GPC3: variants seen among roughly 807,000 people sequenced by gnomAD.
GPC3 encodes the protein glypican 3.
GPC3 carries 3 observed loss-of-function variants against 34.4 expected under a neutral mutation model. That is an observed-to-expected ratio of 0.09 (90% CI 0.04 to 0.23). The LOEUF (loss-of-function observed/expected upper bound fraction) is 0.23, where lower values mean the gene tolerates loss of function less well. Among genes scored for constraint, GPC3 ranks in the 10% least tolerant of loss-of-function variants. The pLI is 1.00. For synonymous variants in GPC3, 177 were observed against 174.0 expected (o/e 1.02, Z -0.13); for missense variants, 351 against 445.6 (o/e 0.79, Z 1.91).
intron 6 of GPC3, 82 bp downstream of exon 6, chrX:133,661,641 CCCTCTCT>C (rs2070726723): frequency 2.8e-5 from 1 of 35,130 alleles, no homozygotes; most frequent in African/African-American, 1.2e-4. Context: ...TCTCCCCCCC[CCCTCTCT>C]CTCCCCCTCT....
chrX:133,750,007 G>A (rs1248555929), intron 3 of GPC3, among the ~76,000 whole-genome samples: 1 of 111,434 alleles, frequency 9.0e-6, no homozygotes, highest in Non-Finnish European at 1.9e-5. Context: ...TAGAGTTGGT[G>A]ATCATAAAAC....
chrX:133,565,971 T>G (rs1450746701), intron 7 of GPC3, among the ~76,000 whole-genome samples: 1 of 112,413 alleles, frequency 8.9e-6, no homozygotes, highest in East Asian at 2.8e-4. Context: ...CCCAACAAAG[T>G]TGCCAAGAGA....
rs145141111 is a variant in GPC3, at chrX:133,760,503, C to T, written c.338-6327G>A. 4.7e-3 allele frequency among the ~76,000 whole-genome samples: 525 copies of T among 111,577 alleles called. 3 individuals carry two copies. Among genetic ancestry groups the T allele is most frequent in the African/African-American group, 0.016 (497 of 30,798 alleles). The stretch of plus-strand genomic sequence containing the variant: ...ATGAAGGAACTCTAAATGTCTATTG[C>T]TAAGTGAAAGAAGCTAGTCTGAAAG... On this transcript the variant is annotated intron_variant, in intron 2 of 7. Transcript: ENST00000370818.
chrX:133,770,086 G>A (rs1403624169), intron 2 of GPC3, among the ~76,000 whole-genome samples: 2 of 112,165 alleles, frequency 1.8e-5, no homozygotes, highest in African/African-American at 6.5e-5. Flanking sequence ...ACCAGTCTCT[G>A]GACAACATAG....
intron 2 of GPC3, among the ~76,000 whole-genome samples, chrX:133,906,780 T>A (rs1385703641): frequency 1.8e-5 from 2 of 112,172 alleles, no homozygotes; most frequent in East Asian, 5.6e-4. Context: ...ATGATTACTT[T>A]TTTATTTTTA....
chrX:133,734,356 A>G (rs2071488876), intron 3 of GPC3, among the ~76,000 whole-genome samples: 1 of 111,647 alleles, frequency 9.0e-6, no homozygotes, highest in Admixed American at 9.6e-5. Context: ...GATAATAAAA[A>G]CAATCAAAAA....
chrX:133,909,485 C>A (rs1603270499), intron 2 of GPC3, among the ~76,000 whole-genome samples: 1 of 112,064 alleles, frequency 8.9e-6, no homozygotes, highest in East Asian at 2.8e-4. Flanking sequence ...TTACAGGGAA[C>A]TCTCACTTTC....
intron 2 of GPC3, among the ~76,000 whole-genome samples, chrX:133,840,171 G>A (rs1194859641): frequency 9.0e-6 from 1 of 111,087 alleles, no homozygotes; most frequent in African/African-American, 3.3e-5. Flanking sequence ...CTGAGCTGTT[G>A]AGAGTTTCAA....
chrX:133,755,885 T>C (rs2071722477), intron 2 of GPC3, among the ~76,000 whole-genome samples: 1 of 112,291 alleles, frequency 8.9e-6, no homozygotes, highest in African/African-American at 3.2e-5. Flanking sequence ...AGAGGACCAG[T>C]CAACAAATTC....
chrX:133,661,577 T>C (rs2070719587), intron 6 of GPC3, among the ~76,000 whole-genome samples, 153 bp downstream of exon 6: 1 of 8,269 alleles, frequency 1.2e-4, no homozygotes, highest in African/African-American at 5.5e-4. Context: ...TTTCTCTCTC[T>C]CTCTCTCTCT....
At chrX:133,840,152 G>T (rs921744042) in intron 2 of GPC3, among the ~76,000 whole-genome samples, 3 of 110,897 alleles carry the variant, frequency 2.7e-5, no homozygotes, top group African/African-American at 9.8e-5. Context: ...ATCCTTTATA[G>T]ATACTTCACT....
In GPC3 at chrX:133,909,392, T is replaced by C. The variant is rs749725932; in HGVS notation, c.337+43658A>G. On this transcript the variant is annotated intron_variant, in intron 2 of 7. Coordinates refer to ENST00000370818, the MANE Select transcript of GPC3 (RefSeq NM_004484.4). ...CATGGTTGTTCTGATTCAGCCATCA[T>C]GATGCAGCCATGATAAAAACAGACT... 1.2e-4 allele frequency among the ~76,000 whole-genome samples: 13 copies of C among 112,287 alleles called. No individual in the cohort carries two copies. In the South Asian group the frequency reaches 4.9e-3, roughly 42 times the overall value.
intron 2 of GPC3, among the ~76,000 whole-genome samples, chrX:133,897,885 G>C (rs1459745471): frequency 9.0e-6 from 1 of 111,691 alleles, no homozygotes; most frequent in Non-Finnish European, 1.9e-5. Context: ...CACAAGGACA[G>C]GTGGGTAATG....
chrX:133,768,903 G>T (rs1327092413), intron 2 of GPC3, among the ~76,000 whole-genome samples: 2 of 110,034 alleles, frequency 1.8e-5, no homozygotes, highest in African/African-American at 6.7e-5. Flanking sequence ...TTGAGCCACT[G>T]CACTCCAGCC....
chrX:133,836,302 T>A (rs1206910590), intron 2 of GPC3, among the ~76,000 whole-genome samples: 1 of 113,048 alleles, frequency 8.8e-6, no homozygotes, highest in Non-Finnish European at 1.9e-5. Context: ...TAATTTCAGA[T>A]TGTACAGCTT....
At chrX:133,927,853 G>A (rs2076282261) in intron 2 of GPC3, among the ~76,000 whole-genome samples, 1 of 106,800 alleles carries the variant, frequency 9.4e-6, no homozygotes, top group Admixed American at 1.0e-4. Context: ...ACAATGTGAT[G>A]TAATAAATAT....
At position 133,611,549 on chromosome X, in the gene GPC3, C is replaced by A. The variant is rs751077968; in HGVS notation, c.1414-14950G>T. 4.5e-5 allele frequency among the ~76,000 whole-genome samples: 5 copies of A among 112,111 alleles called. No individual in the cohort carries two copies. In the South Asian group the frequency reaches 1.5e-3, roughly 33 times the overall value. On this transcript the variant is annotated intron_variant, in intron 6 of 7. Coordinates refer to ENST00000370818, the MANE Select transcript of GPC3 (RefSeq NM_004484.4). Reference sequence around the variant, plus strand: ...ATTCCCAAATAATTCCAGTTGAAAGCATCTTAGGCTTAATCATACTAAAAT... The same window carrying A: ...ATTCCCAAATAATTCCAGTTGAAAGAATCTTAGGCTTAATCATACTAAAAT...
intron 2 of GPC3, among the ~76,000 whole-genome samples, chrX:133,886,349 TAAA>T (rs768736902): frequency 1.1e-5 from 1 of 94,610 alleles, no homozygotes; most frequent in African/African-American, 3.8e-5. Flanking sequence ...GTCCCTATTT[TAAA>T]AAAAAAAAAA....
chrX:133,752,328 T>C (rs2071674655), intron 3 of GPC3, among the ~76,000 whole-genome samples: 1 of 112,068 alleles, frequency 8.9e-6, no homozygotes. Context: ...ACACATATTG[T>C]ATATCAATGA....
Sources: gnomAD v4.1 joint callset for allele counts (sites outside exome capture counted in the v4.1 genomes callset) on GRCh38, gnomAD v4.1.1 for gene constraint, MANE v1.5 for transcripts, NCBI Gene and HGNC (gene_info 2026-07-23, HGNC 2026-07-21) for gene names.